Variants in BZW1 observed in about 807,000 individuals in gnomAD.
BZW1 encodes the protein basic leucine zipper and W2 domains 1, also known as eIF5-mimic protein 2.
In BZW1, 3 loss-of-function variants were observed where a neutral mutation model predicts 54.1. That is an observed-to-expected ratio of 0.06 (90% CI 0.03 to 0.14). The LOEUF (loss-of-function observed/expected upper bound fraction) is 0.14, where lower values mean the gene tolerates loss of function less well. BZW1 is among the 10% of genes least tolerant of loss of function. BZW1 has a pLI of 1.00. For synonymous variants in BZW1, 152 were observed against 162.7 expected (o/e 0.93, Z 0.50); for missense variants, 206 against 491.7 (o/e 0.42, Z 5.50).
chr2:200,814,015 A>G (rs1217354325), intron 2 of BZW1, among the ~76,000 whole-genome samples: 2 of 152,178 alleles, frequency 1.3e-5, no homozygotes, highest in Non-Finnish European at 2.9e-5. Context: ...TGAGATATAT[A>G]TTGTAGAATT....
In BZW1 at chr2:200,811,958, A is replaced by T. The variant is rs1014976823; in HGVS notation, c.-43A>T. The T allele has an allele frequency of 1.3e-5, 4 of 314,586 alleles. No homozygotes were observed. The highest frequency in any genetic ancestry group is 8.6e-5 in the African/African-American group (4 of 46,436). The allele number at this position is 314,586 out of a possible 1,614,324, so 19.5% of individuals were successfully genotyped here. On this transcript the variant is annotated 5_prime_UTR_variant, in exon 1 of 12. Transcript: ENST00000409600. ...CGCCGCAGTTGCCGGTACATCGGGG[A>T]TTTCTGGCTCTTTCCTCTTCGCCTT...
At chr2:200,815,209 C>T (rs1354887230) in intron 2 of BZW1, 132 bp from the exon 3 acceptor site, 2 of 968,388 alleles carry the variant, frequency 2.1e-6, no homozygotes, top group Non-Finnish European at 3.0e-6. Flanking sequence ...CTTACACTTG[C>T]AGAGGGGAAA....
chr2:200,821,089 T>C (rs2038491118), intron 10 of BZW1, 94 bp from the exon 11 acceptor site: 3 of 1,447,082 alleles, frequency 2.1e-6, no homozygotes, highest in African/African-American at 1.4e-5. Context: ...TTCAGCAGTT[T>C]GTTTGCTAAG....
At chr2:200,821,848 G>T (rs955637074) in intron 11 of BZW1, among the ~76,000 whole-genome samples, 1 of 152,184 alleles carries the variant, frequency 6.6e-6, no homozygotes, top group South Asian at 2.1e-4. Context: ...AGGCGATCAG[G>T]TCATTTGAGG....
intron 9 of BZW1, chr2:200,819,191 C>T (rs1385815588): frequency 9.2e-6 from 3 of 325,824 alleles, no homozygotes; most frequent in Middle Eastern, 8.8e-4. Context: ...CAGTTTAAGA[C>T]GTGCCTGGGC....
Position 200,818,264 on chromosome 2 carries a change from A to G in BZW1, c.690A>G (p.Thr230=). The G allele has an allele frequency of 6.2e-7, 1 of 1,604,066 alleles. No homozygotes were observed. The highest frequency in any genetic ancestry group is 8.5e-7 in the Non-Finnish European group (1 of 1,175,712). ...ATAAGCAAAGTGTTGAACACTTCAC[A>G]AAATATTTTACTGAGGCAGGCTTGA... ...PANKQSVEHF[T]KYFTEAGLKE... Residue 230 remains threonine, a synonymous_variant, in exon 8 of 12, where the codon ACA becomes ACG. Coordinates refer to ENST00000409600, the MANE Select transcript of BZW1 (RefSeq NM_001207067.2).
intron 2 of BZW1, 103 bp from the exon 3 acceptor site, chr2:200,815,238 T>G (rs1033175649): frequency 1.7e-6 from 2 of 1,203,892 alleles, no homozygotes; most frequent in Non-Finnish European, 2.3e-6. Context: ...GGATGTGAAT[T>G]TAATCTAACT....
intron 2 of BZW1, 59 bp downstream of exon 2, chr2:200,813,340 C>T: frequency 1.4e-6 from 2 of 1,444,314 alleles, no homozygotes; most frequent in Non-Finnish European, 1.9e-6. Flanking sequence ...GTGTATCTTG[C>T]CTTCTCTGAC....
At position 200,816,440 on chromosome 2, in the gene BZW1, G is replaced by A. The variant is rs774078795; in HGVS notation, c.402+50G>A. Reference sequence around the variant, plus strand: ...GAAAAGAAAAAAATAGGGTTAGAAAGAGGAATGTTAAATCCTAATTCCGCC... The same window carrying A: ...GAAAAGAAAAAAATAGGGTTAGAAAAAGGAATGTTAAATCCTAATTCCGCC... On this transcript the variant is annotated intron_variant, in intron 5 of 11. Transcript: ENST00000409600. 3.0e-6 allele frequency: 4 copies of A among 1,335,338 alleles called. No homozygotes were observed. In the South Asian group the frequency reaches 5.7e-5, roughly 19 times the overall value. The allele number at this position is 1,335,338 out of a possible 1,614,324, so 82.7% of individuals were successfully genotyped here. A position where few individuals can be genotyped will look rare whatever the true frequency, so the allele number is the denominator to read the frequency against.
chr2:200,815,398 C>G lies in BZW1; in HGVS notation c.122C>G (p.Thr41Ser), dbSNP rs777611664. 36 of 1,613,990 alleles carry G rather than the reference C, an allele frequency of 2.2e-5. No homozygotes were observed. The highest frequency in any genetic ancestry group is 3.1e-5 in the Non-Finnish European group (36 of 1,179,888). Residue 41 changes from threonine to serine, a missense_variant, in exon 3 of 12, where the codon ACT (threonine) becomes AGT (serine). Physicochemically the swap from Thr to Ser is moderately conservative, Grantham distance 58. Coordinates refer to ENST00000409600, the MANE Select transcript of BZW1 (RefSeq NM_001207067.2). ...CAAGACTGTATTATTCAAGGCTTAA[C>G]TGAAACCGGTACTGATTTGGAAGCA... ...QFQDCIIQGLTETGTDLEAVA... is the reference protein window; with the variant it reads ...QFQDCIIQGLSETGTDLEAVA...
intron 4 of BZW1, among the ~76,000 whole-genome samples, chr2:200,816,087 G>A (rs1487937363): frequency 6.6e-6 from 1 of 152,196 alleles, no homozygotes. Context: ...AGTTAAATGA[G>A]TTGTGAGCTG....
intron 6 of BZW1, 68 bp from the exon 7 acceptor site, chr2:200,817,906 A>C (rs990105145): frequency 8.2e-6 from 9 of 1,096,304 alleles, no homozygotes; most frequent in Admixed American, 6.6e-5. Flanking sequence ...GAAGGGAAGG[A>C]TATAGGGGGA....
intron 1 of BZW1, chr2:200,812,277 C>T (rs2038096718): frequency 5.7e-6 from 7 of 1,232,464 alleles, no homozygotes; most frequent in Non-Finnish European, 7.1e-6. Context: ...CCCGGCCTGG[C>T]TAACAAAGCC....
rs1348589884 is a variant in BZW1 at position 200,826,421 on chromosome 2, T to TGATAGATAGATAGATAGATAGATGATAGA, written c.*4243_*4244insGATAGATAGATAGATAGATAGATGATAGA. 1.1e-5 allele frequency: 1 copy of TGATAGATAGATAGATAGATAGATGATAGA among 87,764 alleles called. No individual in the cohort carries two copies. Among genetic ancestry groups the TGATAGATAGATAGATAGATAGATGATAGA allele is most frequent in the Non-Finnish European group, 2.2e-5 (1 of 44,856 alleles). The allele number at this position is 87,764 out of a possible 1,614,324, so 5.4% of individuals were successfully genotyped here. A position where few individuals can be genotyped will look rare whatever the true frequency, so the allele number is the denominator to read the frequency against. On this transcript the variant is annotated 3_prime_UTR_variant, in exon 12 of 12. Coordinates refer to ENST00000409600, the MANE Select transcript of BZW1 (RefSeq NM_001207067.2). Reference sequence around the variant, plus strand: ...GATAGATAGATATTTTTTTTTTTTTTTTTTTTTTTTTTTTTTTTTTTGAGA... The same window carrying TGATAGATAGATAGATAGATAGATGATAGA: ...GATAGATAGATATTTTTTTTTTTTTTGATAGATAGATAGATAGATAGATGATAGATTTTTTTTTTTTTTTTTTTTTGAGA...
In BZW1 at chr2:200,826,423, T is replaced by TGATAGATAGATAGA; in HGVS notation, c.*4245_*4246insGATAGATAGATAGA. The TGATAGATAGATAGA allele has an allele frequency of 1.1e-5, 1 of 92,700 alleles. No individual in the cohort carries two copies. The highest frequency in any genetic ancestry group is 2.3e-5 in the Non-Finnish European group (1 of 43,818). The allele number at this position is 92,700 out of a possible 1,614,324, so 5.7% of individuals were successfully genotyped here. On this transcript the variant is annotated 3_prime_UTR_variant, in exon 12 of 12. Coordinates refer to ENST00000409600, the MANE Select transcript of BZW1 (RefSeq NM_001207067.2). ...TAGATAGATATTTTTTTTTTTTTTT[T>TGATAGATAGATAGA]TTTTTTTTTTTTTTTTTTTGAGACA...
In BZW1 at chr2:200,821,167, T is replaced by C; in HGVS notation, c.1106-16T>C. 6.2e-7 allele frequency: 1 copy of C among 1,610,998 alleles called. No individual in the cohort carries two copies. Among genetic ancestry groups the C allele is most frequent in the Non-Finnish European group, 8.5e-7 (1 of 1,179,328 alleles). ...GTATATTAAAACTCCCTTAATGCAATGAGTTTTCTTTCCAGCTGAAGTCCT... is the reference window on the plus strand; with the variant it reads ...GTATATTAAAACTCCCTTAATGCAACGAGTTTTCTTTCCAGCTGAAGTCCT... On this transcript the variant is annotated splice_polypyrimidine_tract_variant and intron_variant, in intron 10 of 11. Transcript: ENST00000409600.
At position 200,820,070 on chromosome 2, in the gene BZW1, A is replaced by T; in HGVS notation, c.1055A>T (p.Asn352Ile). 6.4e-7 allele frequency: 1 copy of T among 1,556,680 alleles called. No individual in the cohort carries two copies. Among genetic ancestry groups the T allele is most frequent in the Non-Finnish European group, 8.7e-7 (1 of 1,149,842 alleles). The change falls in exon 10 of 12, where the codon AAC (asparagine) becomes ATC (isoleucine). Residue 352 changes from asparagine to isoleucine, a missense_variant. Coordinates refer to ENST00000409600, the MANE Select transcript of BZW1 (RefSeq NM_001207067.2). Reference protein sequence around the residue: ...LLKIQEYCYDNIHFMKAFQKI... With the variant: ...LLKIQEYCYDIIHFMKAFQKI... ...AAGATTCAGGAGTATTGCTATGACA[A>T]CATTCATTTCATGAAAGCCTTCCAG...
intron 10 of BZW1, 149 bp from the exon 11 acceptor site, chr2:200,821,034 G>A (rs1029906156): frequency 1.6e-5 from 15 of 925,540 alleles, no homozygotes; most frequent in African/African-American, 5.0e-5. Flanking sequence ...GTTGGTATGC[G>A]CACATGTATT....
At chr2:200,812,616 C>G (rs527260669) in intron 1 of BZW1, 7 of 1,338,128 alleles carry the variant, frequency 5.2e-6, no homozygotes, top group Non-Finnish European at 6.0e-6. Flanking sequence ...TTGGGAGACA[C>G]GTTACCGGGG....
Sources: allele counts gnomAD v4.1 joint callset (sites outside exome capture counted in the v4.1 genomes callset), GRCh38; gene constraint gnomAD v4.1.1; transcripts MANE v1.5; gene names NCBI Gene and HGNC (gene_info 2026-07-23, HGNC 2026-07-21).